KCNC2: variants seen among roughly 807,000 people sequenced by gnomAD.
KCNC2 encodes the protein potassium voltage-gated channel subfamily C member 2.
Under a neutral mutation model 44.5 loss-of-function variants are expected in KCNC2, and 21 were observed. The observed-to-expected ratio is 0.47, with a 90% CI of 0.33 to 0.68. The LOEUF is 0.68. KCNC2 is among the 30% of genes least tolerant of loss of function. The probability of loss-of-function intolerance (pLI) is 0.01; values close to 1 mark genes in which losing one functional copy is unlikely to be tolerated. For synonymous variants in KCNC2, 391 were observed against 339.1 expected, an observed-to-expected ratio of 1.15 and a Z score of -1.68; for missense variants, 589 against 826.2, an observed-to-expected ratio of 0.71 and a Z score of 3.52.
chr12:75,145,262 T>G (rs371301488), intron 2 of KCNC2, among the ~76,000 whole-genome samples: 5 of 152,262 alleles, frequency 3.3e-5, no homozygotes, highest in African/African-American at 1.2e-4. Context: ...TTCAGGAGAT[T>G]CAAGTGCTTC....
intron 2 of KCNC2, among the ~76,000 whole-genome samples, chr12:75,091,481 G>A (rs2137130834): frequency 6.6e-6 from 1 of 151,758 alleles, no homozygotes; most frequent in African/African-American, 2.4e-5. Flanking sequence ...GTTTTGAGAA[G>A]CAATAAAATA....
At chr12:75,046,767 G>T (rs916852997) in intron 4 of KCNC2, among the ~76,000 whole-genome samples, 4 of 151,874 alleles carry the variant, frequency 2.6e-5, no homozygotes, top group Non-Finnish European at 4.4e-5. Context: ...ACATTTTGGT[G>T]CAAGAAATAG....
chr12:75,098,037 T>C (rs1008320328), intron 2 of KCNC2, among the ~76,000 whole-genome samples: 10 of 152,080 alleles, frequency 6.6e-5, no homozygotes, highest in Admixed American at 5.2e-4. Flanking sequence ...ATTATAAACA[T>C]GTATAATTAA....
At chr12:75,128,770 T>A (rs1231013317) in intron 2 of KCNC2, among the ~76,000 whole-genome samples, 5 of 152,218 alleles carry the variant, frequency 3.3e-5, no homozygotes, top group Admixed American at 3.3e-4. Flanking sequence ...GAGAAATGCA[T>A]ACAATCATAT....
At chr12:75,115,718 CTATT>C (rs1410722025) in intron 2 of KCNC2, among the ~76,000 whole-genome samples, 1 of 152,066 alleles carries the variant, frequency 6.6e-6, no homozygotes, top group African/African-American at 2.4e-5. Flanking sequence ...AGATTTGTAC[CTATT>C]TATTTCTCTA....
intron 2 of KCNC2, among the ~76,000 whole-genome samples, chr12:75,128,896 C>T (rs1888633470): frequency 6.6e-6 from 1 of 152,204 alleles, no homozygotes; most frequent in Non-Finnish European, 1.5e-5. Flanking sequence ...TGGCTTCATG[C>T]TTCTCAGCAT....
chr12:75,058,558 G>C (rs529701775), intron 2 of KCNC2, among the ~76,000 whole-genome samples: 1 of 152,100 alleles, frequency 6.6e-6, no homozygotes, highest in African/African-American at 2.4e-5. Context: ...GAGGTAACTA[G>C]CTTACAAACA....
At chr12:75,198,356 A>T (rs139354753) in intron 2 of KCNC2, among the ~76,000 whole-genome samples, 122 of 151,980 alleles carry the variant, frequency 8.0e-4, no homozygotes, top group African/African-American at 2.7e-3. Context: ...TAATATATTT[A>T]AAAAATTAAA....
intron 2 of KCNC2, among the ~76,000 whole-genome samples, chr12:75,099,956 C>G (rs1337434470): frequency 6.6e-6 from 1 of 151,966 alleles, no homozygotes; most frequent in African/African-American, 2.4e-5. Flanking sequence ...TAGACTAAAT[C>G]AAAGATTTTT....
intron 2 of KCNC2, among the ~76,000 whole-genome samples, chr12:75,074,833 T>TA (rs1233001674): frequency 2.6e-5 from 4 of 152,222 alleles, no homozygotes; most frequent in Non-Finnish European, 5.9e-5. Context: ...AAGTGAATGC[T>TA]ATAACAGTGT....
chr12:75,140,923 A>G (rs1889607760), intron 2 of KCNC2, among the ~76,000 whole-genome samples: 3 of 146,906 alleles, frequency 2.0e-5, no homozygotes, highest in Non-Finnish European at 4.4e-5. Context: ...AAAGTGGAGG[A>G]AAAAAAAAGC....
chr12:75,198,730 C>G (rs571888465), intron 2 of KCNC2, among the ~76,000 whole-genome samples: 2 of 151,864 alleles, frequency 1.3e-5, no homozygotes, highest in South Asian at 4.1e-4. Context: ...AGTCAATAAA[C>G]TTAAAAGTAC....
intron 2 of KCNC2, among the ~76,000 whole-genome samples, chr12:75,202,994 T>G (rs1014739198): frequency 4.6e-5 from 7 of 151,748 alleles, no homozygotes; most frequent in African/African-American, 1.7e-4. Context: ...ACAGTGACTG[T>G]GTAATCAATA....
Position 75,042,278 on chromosome 12 carries a change from A to G in KCNC2, c.*827T>C, listed in dbSNP as rs2136906583. On this transcript the variant is annotated 3_prime_UTR_variant, in exon 5 of 5. Coordinates refer to ENST00000549446, the MANE Select transcript of KCNC2 (RefSeq NM_139137.4). Reference sequence around the variant, plus strand: ...AACAATGCAAGCCTGGCTGGCAGTTACCTTTCTCTCATGTTTTGTGCCTTC... The same window carrying G: ...AACAATGCAAGCCTGGCTGGCAGTTGCCTTTCTCTCATGTTTTGTGCCTTC... 6.2e-7 allele frequency: 1 copy of G among 1,609,222 alleles called. No individual in the cohort carries two copies. The highest frequency in any genetic ancestry group is 8.5e-7 in the Non-Finnish European group (1 of 1,177,532).
chr12:75,191,059 T>C (rs1235264778), intron 2 of KCNC2, among the ~76,000 whole-genome samples: 1 of 152,134 alleles, frequency 6.6e-6, no homozygotes, highest in Admixed American at 6.5e-5. Context: ...CATCAATGAC[T>C]AATTAAAGTG....
chr12:75,094,545 T>C (rs1288892604), intron 2 of KCNC2, among the ~76,000 whole-genome samples: 1 of 151,768 alleles, frequency 6.6e-6, no homozygotes, highest in African/African-American at 2.4e-5. Flanking sequence ...TTCAGTAATA[T>C]TTTGCATTTT....
chr12:75,164,801 G>T (rs1055712204), intron 2 of KCNC2, among the ~76,000 whole-genome samples: 2 of 151,408 alleles, frequency 1.3e-5, no homozygotes, highest in Middle Eastern at 3.2e-3. Context: ...AAAAATCGTT[G>T]AACTAAAACT....
At chr12:75,080,538 C>T (rs1884400227) in intron 2 of KCNC2, among the ~76,000 whole-genome samples, 1 of 152,016 alleles carries the variant, frequency 6.6e-6, no homozygotes, top group Non-Finnish European at 1.5e-5. Context: ...AACAACAAAG[C>T]ATTATTGAAT....
At chr12:75,141,839 A>G (rs1240376620) in intron 2 of KCNC2, among the ~76,000 whole-genome samples, 1 of 152,192 alleles carries the variant, frequency 6.6e-6, no homozygotes, top group East Asian at 1.9e-4. Flanking sequence ...ACGTCATTCA[A>G]ACAATAAACA....
Sources: gnomAD v4.1 joint callset for allele counts (sites outside exome capture counted in the v4.1 genomes callset) on GRCh38, gnomAD v4.1.1 for gene constraint, MANE v1.5 for transcripts, NCBI Gene and HGNC (gene_info 2026-07-23, HGNC 2026-07-21) for gene names.